FBRSL1: variants seen among roughly 807,000 people sequenced by gnomAD.
FBRSL1 encodes the protein fibrosin-1-like protein.
A neutral mutation model predicts 89.6 loss-of-function variants in FBRSL1; 51 were observed. That is an observed-to-expected ratio of 0.57 (90% CI 0.45 to 0.72). FBRSL1 has a LOEUF of 0.72. FBRSL1 is among the 30% of genes least tolerant of loss of function. FBRSL1 has a pLI of 0.00. For missense variants in FBRSL1, 1,618 were observed against 1,451.8 expected, an observed-to-expected ratio of 1.11 and a Z score of -1.86; for synonymous variants, 779 against 681.1, an observed-to-expected ratio of 1.14 and a Z score of -2.24.
chr12:132,523,711 T>C (rs1042863858), intron 2 of FBRSL1, among the ~76,000 whole-genome samples: 33 of 152,308 alleles, frequency 2.2e-4, no homozygotes, highest in Middle Eastern at 3.4e-3. Context: ...GCAGGGCTCA[T>C]GGGGCCATCG....
At chr12:132,510,987 C>T (rs182229534) in intron 2 of FBRSL1, 17 of 987,512 alleles carry the variant, frequency 1.7e-5, no homozygotes, top group South Asian at 9.4e-5. Flanking sequence ...GAGTGAGTGG[C>T]GTGCTGGGCA....
chr12:132,556,697 A>G (rs56243112), intron 5 of FBRSL1, among the ~76,000 whole-genome samples: 654 of 30,528 alleles, frequency 0.021, 2 homozygotes, highest in Middle Eastern at 0.059. Context: ...CCAGGCCTTC[A>G]TGCTGCCTCC....
chr12:132,544,657 G>A (rs139134355), intron 4 of FBRSL1, among the ~76,000 whole-genome samples: 92 of 152,102 alleles, frequency 6.0e-4, no homozygotes, highest in African/African-American at 2.1e-3. Flanking sequence ...TGAGGACGGC[G>A]ATACTGATGA....
chr12:132,577,979 T>G (rs1264781961), intron 15 of FBRSL1, among the ~76,000 whole-genome samples: 1 of 152,234 alleles, frequency 6.6e-6, no homozygotes, highest in Non-Finnish European at 1.5e-5. Flanking sequence ...CACATACAGC[T>G]GACCCTTGAA....
rs996115376 is a variant in FBRSL1 at position 132,583,336 on chromosome 12, G to A, written c.2567G>A (p.Arg856His). The change falls in exon 19 of 19, where the codon CGC becomes CAC. Residue 856 changes from arginine (R) to histidine (H), a missense_variant. Coordinates refer to ENST00000680143, the MANE Select transcript of FBRSL1 (RefSeq NM_001367871.1). ...CCGGGCTTCGCGTGGGAGCCTTTCC[G>A]CGGCCTGGAGCTGCCACGTCGCGCC... ...GAPGFAWEPF[R>H]GLELPRRAFP... 6.0e-6 allele frequency: 7 copies of A among 1,173,796 alleles called. No homozygotes were observed. The highest frequency in any genetic ancestry group is 1.7e-5 in the African/African-American group (1 of 59,928). The allele number at this position is 1,173,796 out of a possible 1,614,324, so 72.7% of individuals were successfully genotyped here.
intron 1 of FBRSL1, among the ~76,000 whole-genome samples, chr12:132,502,704 C>T (rs1418838135): frequency 6.6e-6 from 1 of 151,174 alleles, no homozygotes; most frequent in Non-Finnish European, 1.5e-5. Context: ...CATCCCCCAC[C>T]TCCCTGCTTC....
intron 2 of FBRSL1, chr12:132,510,578 TGTCTA>T: frequency 7.3e-6 from 9 of 1,230,944 alleles, no homozygotes; most frequent in African/African-American, 1.5e-5. Context: ...CCTGAGGCCT[TGTCTA>T]GACAGGGCTG....
intron 5 of FBRSL1, among the ~76,000 whole-genome samples, chr12:132,561,141 G>A (rs2039089637): frequency 6.6e-6 from 1 of 152,218 alleles, no homozygotes; most frequent in African/African-American, 2.4e-5. Flanking sequence ...TTCTCACTGT[G>A]AGGTGGAGGC....
intron 2 of FBRSL1, among the ~76,000 whole-genome samples, chr12:132,518,950 C>T (rs1031384996): frequency 1.3e-5 from 2 of 152,086 alleles, no homozygotes. Context: ...TCTATCCACC[C>T]ATGCACCCAT....
rs1000809645 is a variant in FBRSL1 at position 132,546,345 on chromosome 12, C to T, written c.616-1658C>T. On this transcript the variant is annotated intron_variant, in intron 4 of 18. Coordinates refer to ENST00000680143, the MANE Select transcript of FBRSL1 (RefSeq NM_001367871.1). The surrounding 1 kb of genome is among the most constrained non-coding windows in gnomAD (Gnocchi z 4.0). Reference sequence around the variant, plus strand: ...TGGTGAGCTCCGCACCTGCAGCCTCCGGGGCGGGATGGGCCCGGTTCTGAC... The same window carrying T: ...TGGTGAGCTCCGCACCTGCAGCCTCTGGGGCGGGATGGGCCCGGTTCTGAC... Among the ~76,000 whole-genome samples the T allele has an allele frequency of 2.6e-5, 4 of 151,950 alleles. No individual in the cohort carries two copies. The highest frequency in any genetic ancestry group is 2.1e-4 in the South Asian group (1 of 4,822).
At chr12:132,571,291 T>C (rs1403151738) in intron 9 of FBRSL1, 60 bp downstream of exon 9, 2 of 1,515,344 alleles carry the variant, frequency 1.3e-6, no homozygotes, top group African/African-American at 2.8e-5. Context: ...TGTCTCTCTC[T>C]CTTTTTCTCT....
intron 1 of FBRSL1, among the ~76,000 whole-genome samples, chr12:132,503,632 T>G (rs766440761): frequency 6.6e-6 from 1 of 152,202 alleles, no homozygotes; most frequent in Non-Finnish European, 1.5e-5. Flanking sequence ...CTGTGCCAGT[T>G]TCTGTTCAGC....
At chr12:132,572,000 G>T (rs1196160140) in intron 9 of FBRSL1, 3 of 509,078 alleles carry the variant, frequency 5.9e-6, no homozygotes, top group African/African-American at 5.9e-5. Context: ...CCAGCAGCCA[G>T]GGCTTCACGC....
At chr12:132,578,367 A>ACACACACACACACACACACACAC (rs1566244737) in intron 15 of FBRSL1, among the ~76,000 whole-genome samples, 33 of 151,752 alleles carry the variant, frequency 2.2e-4, no homozygotes, top group Admixed American at 3.9e-4. Context: ...ACACACACAC[A>ACACACACACACACACACACACAC]AAATCATAGA....
chr12:132,581,134 C>T (rs1406426854), intron 15 of FBRSL1: 2 of 985,352 alleles, frequency 2.0e-6, no homozygotes, highest in African/African-American at 3.5e-5. Context: ...GTTACTTGGA[C>T]TTTGTCTCTG....
intron 1 of FBRSL1, among the ~76,000 whole-genome samples, chr12:132,491,487 G>A (rs1267299485): frequency 6.6e-6 from 1 of 152,262 alleles, no homozygotes; most frequent in Non-Finnish European, 1.5e-5. Context: ...AGTTGGGGCA[G>A]GCGCTGTCTC....
intron 5 of FBRSL1, among the ~76,000 whole-genome samples, chr12:132,555,660 C>T (rs1253024982): frequency 6.6e-6 from 1 of 152,206 alleles, no homozygotes; most frequent in East Asian, 1.9e-4. Context: ...TGCCTCTTCC[C>T]ACTCCTGCTG....
chr12:132,506,013 G>A (rs779628753), intron 1 of FBRSL1, among the ~76,000 whole-genome samples: 24 of 152,236 alleles, frequency 1.6e-4, no homozygotes, highest in Non-Finnish European at 2.5e-4. Flanking sequence ...GCCTGGAGCC[G>A]GAGATGTCGG....
At chr12:132,541,802 C>A (rs1439482310) in intron 4 of FBRSL1, among the ~76,000 whole-genome samples, 1 of 152,248 alleles carries the variant, frequency 6.6e-6, no homozygotes, top group Non-Finnish European at 1.5e-5. Context: ...AAGGTGGGCC[C>A]CTTGGCACTG....
Sources: gnomAD v4.1 joint callset for allele counts (sites outside exome capture counted in the v4.1 genomes callset) on GRCh38, gnomAD v4.1.1 for gene constraint, Gnocchi (gnomAD v3.1) non-coding constraint, MANE v1.5 for transcripts, NCBI Gene and HGNC (gene_info 2026-07-23, HGNC 2026-07-21) for gene names.